RIMKLA: variants seen among roughly 807,000 people sequenced by gnomAD.
RIMKLA encodes the protein ribosomal modification protein rimK like family member A, also known as N-acetylaspartylglutamate synthase A.
Under a neutral mutation model 32.7 loss-of-function variants are expected in RIMKLA, and 14 were observed. The ratio of observed to expected loss-of-function variants is 0.43; its 90% CI spans 0.28 to 0.67. The LOEUF (loss-of-function observed/expected upper bound fraction) is 0.67. RIMKLA is among the 30% of genes least tolerant of loss of function. RIMKLA has a pLI of 0.18. For synonymous variants in RIMKLA, 176 were observed against 204.1 expected (o/e 0.86, Z 1.18); for missense variants, 410 against 519.0 (o/e 0.79, Z 2.04).
intron 1 of RIMKLA, 136 bp downstream of exon 1, chr1:42,381,233 ACTT>A: frequency 1.7e-6 from 1 of 593,376 alleles, no homozygotes; most frequent in Non-Finnish European, 2.5e-6. Context: ...TAGCTGCGAG[ACTT>A]CTTGGGGTTG....
At chr1:42,414,462 C>A in intron 4 of RIMKLA, 22 bp from the exon 5 acceptor site, 1 of 1,610,496 alleles carries the variant, frequency 6.2e-7, no homozygotes. Context: ...GTCACCTTTA[C>A]ATCACTGTGC....
At chr1:42,394,209 T>G (rs1643023026) in intron 1 of RIMKLA, among the ~76,000 whole-genome samples, 1 of 152,240 alleles carries the variant, frequency 6.6e-6, no homozygotes, top group Non-Finnish European at 1.5e-5. Flanking sequence ...GGTCCTTGTT[T>G]GCTGTCATGC....
chr1:42,387,332 G>T (rs1338851744), intron 1 of RIMKLA, among the ~76,000 whole-genome samples: 2 of 152,190 alleles, frequency 1.3e-5, no homozygotes, highest in Non-Finnish European at 2.9e-5. Flanking sequence ...GGGAGGCTGA[G>T]GCAGGAGGAT....
intron 1 of RIMKLA, among the ~76,000 whole-genome samples, chr1:42,391,435 A>G (rs1421591845): frequency 2.6e-5 from 4 of 152,112 alleles, no homozygotes; most frequent in Non-Finnish European, 5.9e-5. Flanking sequence ...ATCAGGAGCG[A>G]GGAGGATATC....
intron 1 of RIMKLA, among the ~76,000 whole-genome samples, chr1:42,382,070 A>G (rs1642894103): frequency 6.6e-6 from 1 of 152,236 alleles, no homozygotes; most frequent in South Asian, 2.1e-4. Flanking sequence ...TGGCAGGGGA[A>G]GGAATTTCAA....
chr1:42,385,409 G>A (rs1042036828), intron 1 of RIMKLA, among the ~76,000 whole-genome samples: 1 of 152,122 alleles, frequency 6.6e-6, no homozygotes, highest in Non-Finnish European at 1.5e-5. Flanking sequence ...TATAAAATGA[G>A]TCTGACCTGG....
chr1:42,400,621 T>A (rs1157559588), intron 2 of RIMKLA, among the ~76,000 whole-genome samples: 1 of 152,198 alleles, frequency 6.6e-6, no homozygotes, highest in Non-Finnish European at 1.5e-5. Context: ...AAGCAAACAT[T>A]TGCTAAGACT....
At chr1:42,381,124 AG>A in intron 1 of RIMKLA, 27 bp downstream of exon 1, 1 of 1,242,794 alleles carries the variant, frequency 8.0e-7, no homozygotes, top group Non-Finnish European at 1.0e-6. Context: ...CGGGGAGGGC[AG>A]GGAGGCGCGC....
chr1:42,410,003 A>C lies in RIMKLA; in HGVS notation c.501A>C (p.Ala167=), dbSNP rs761449576. The part of the protein sequence containing the change: ...RGHRGKAVFL[A]RDKHHLSDIC... ...TTAAAGGAAAAGCTGTTTTTCTGGCAAGAGATAAACATCACCTCTCTGACA... is the reference window on the plus strand; with the variant it reads ...TTAAAGGAAAAGCTGTTTTTCTGGCCAGAGATAAACATCACCTCTCTGACA... The change falls in exon 4 of 5, where the codon GCA becomes GCC. Residue 167 remains alanine (A), a synonymous_variant. Transcript: ENST00000431473. The C allele has an allele frequency of 6.2e-7, 1 of 1,614,004 alleles. No homozygotes were observed. Among genetic ancestry groups the C allele is most frequent in the Non-Finnish European group, 8.5e-7 (1 of 1,179,886 alleles).
At chr1:42,411,406 A>G (rs564618266) in intron 4 of RIMKLA, among the ~76,000 whole-genome samples, 4 of 150,986 alleles carry the variant, frequency 2.6e-5, no homozygotes, top group Admixed American at 2.6e-4. Flanking sequence ...CAAATGCTAG[A>G]TTCAGGTTGA....
chr1:42,410,036 T>C lies in RIMKLA; in HGVS notation c.534T>C (p.His178=). The C allele has an allele frequency of 6.2e-7, 1 of 1,614,172 alleles. No individual in the cohort carries two copies. The highest frequency in any genetic ancestry group is 8.5e-7 in the Non-Finnish European group (1 of 1,180,010). The part of the protein sequence containing the change: ...RDKHHLSDIC[H]LIRHDVPYLF... ...AACATCACCTCTCTGACATCTGCCATCTGATCCGCCACGATGTGCCCTACC... is the reference window on the plus strand; with the variant it reads ...AACATCACCTCTCTGACATCTGCCACCTGATCCGCCACGATGTGCCCTACC... The change falls in exon 4 of 5, where the codon CAT becomes CAC. Residue 178 remains histidine (H), a synonymous_variant. Coordinates refer to ENST00000431473, the MANE Select transcript of RIMKLA (RefSeq NM_173642.4).
At chr1:42,409,481 T>C (rs892939662) in intron 3 of RIMKLA, among the ~76,000 whole-genome samples, 9 of 152,244 alleles carry the variant, frequency 5.9e-5, no homozygotes, top group African/African-American at 2.2e-4. Flanking sequence ...CTACCTTTTT[T>C]TGGGATCTCT....
At chr1:42,391,068 G>T (rs1370251656) in intron 1 of RIMKLA, among the ~76,000 whole-genome samples, 1 of 152,182 alleles carries the variant, frequency 6.6e-6, no homozygotes, top group East Asian at 1.9e-4. Flanking sequence ...AATAGTACTA[G>T]AAGAAGCAAG....
rs915499934 is a variant in RIMKLA at position 42,385,797 on chromosome 1, TTC to T, written c.163+4710_163+4711del. 1.0e-4 allele frequency among the ~76,000 whole-genome samples: 12 copies of T among 114,388 alleles called. 2 individuals carry two copies. Among genetic ancestry groups the T allele is most frequent in the South Asian group, 2.6e-4 (1 of 3,790 alleles). The allele number at this position is 114,388 out of a possible 152,430, so 75.0% of individuals were successfully genotyped here. On this transcript the variant is annotated intron_variant, in intron 1 of 4. Transcript: ENST00000431473. ...TTTCTTTGTTTGTTTGTTTCTTTCT[TTC>T]TCTCTCTCTTTCCTTCCTTCCTTCC...
At chr1:42,405,702 T>C (rs1412018193) in intron 3 of RIMKLA, among the ~76,000 whole-genome samples, 1 of 152,122 alleles carries the variant, frequency 6.6e-6, no homozygotes, top group East Asian at 1.9e-4. Flanking sequence ...CTCGAGGCGC[T>C]CAAATGTGTA....
At chr1:42,406,109 G>C (rs1013514663) in intron 3 of RIMKLA, among the ~76,000 whole-genome samples, 2 of 152,062 alleles carry the variant, frequency 1.3e-5, no homozygotes, top group African/African-American at 4.8e-5. Flanking sequence ...CCAGGCTTTG[G>C]GGATACAGAT....
At chr1:42,391,217 T>G (rs967413803) in intron 1 of RIMKLA, among the ~76,000 whole-genome samples, 1 of 152,136 alleles carries the variant, frequency 6.6e-6, no homozygotes, top group Non-Finnish European at 1.5e-5. Flanking sequence ...TGAGAGTCCT[T>G]GGCATTGAAA....
rs1184237388 is a variant in RIMKLA at position 42,385,844 on chromosome 1, C to CTCTCTCTCTCTT, written c.163+4750_163+4751insCTCTCTCTTTCT. On this transcript the variant is annotated intron_variant, in intron 1 of 4. Transcript: ENST00000431473. The stretch of plus-strand genomic sequence containing the variant: ...CCTTCCTTCCTTTCTTTCTTTCTTT[C>CTCTCTCTCTCTT]TCTTTCTTTCTTTCTTTCTTTCTTT... Among the ~76,000 whole-genome samples the CTCTCTCTCTCTT allele has an allele frequency of 1.9e-4, 11 of 57,054 alleles. 1 individual carries two copies. Among genetic ancestry groups the CTCTCTCTCTCTT allele is most frequent in the African/African-American group, 2.6e-4 (4 of 15,142 alleles). 37.4% of individuals were successfully genotyped at this position (57,054 alleles called of 152,430 possible).
chr1:42,387,396 C>A (rs1197157826), intron 1 of RIMKLA, among the ~76,000 whole-genome samples: 9 of 148,396 alleles, frequency 6.1e-5, no homozygotes, highest in East Asian at 2.0e-4. Flanking sequence ...GACCCTGTTT[C>A]AAAAAAAAAA....
Sources: gnomAD v4.1 joint callset for allele counts (sites outside exome capture counted in the v4.1 genomes callset) on GRCh38, gnomAD v4.1.1 for gene constraint, MANE v1.5 for transcripts, NCBI Gene and HGNC (gene_info 2026-07-23, HGNC 2026-07-21) for gene names.